The following NAV1 variants were observed in gnomAD, a reference collection of about 807,000 sequenced individuals.
NAV1 encodes neuron navigator 1, also known as pore membrane and/or filament interacting like protein 3.
Under a neutral mutation model 175.2 loss-of-function variants are expected in NAV1, and 18 were observed. That is an observed-to-expected ratio of 0.10 (90% CI 0.07 to 0.15). NAV1 has a LOEUF of 0.15. Among genes scored for constraint, NAV1 ranks in the 10% least tolerant of loss-of-function variants. The pLI is 1.00. For synonymous variants in NAV1, 897 were observed against 978.7 expected (o/e 0.92, Z 1.56); for missense variants, 1,731 against 2,436.6 (o/e 0.71, Z 6.10).
intron 1 of NAV1, among the ~76,000 whole-genome samples, chr1:201,696,304 G>A (rs577488609): frequency 6.6e-5 from 10 of 152,324 alleles, no homozygotes; most frequent in Admixed American, 4.6e-4. Flanking sequence ...CGGAAGAGGA[G>A]GATTCTGAAT....
At chr1:201,700,283 A>T (rs80210811) in intron 1 of NAV1, among the ~76,000 whole-genome samples, 113,636 of 152,122 alleles carry the variant, frequency 0.75, 43,112 homozygotes, top group Admixed American at 0.85. Flanking sequence ...AAGGATATGA[A>T]CAGACACTTC....
At chr1:201,818,354 C>A in intron 29 of NAV1, among the ~76,000 whole-genome samples, 1 of 151,908 alleles carries the variant, frequency 6.6e-6, no homozygotes, top group East Asian at 1.9e-4. Context: ...TGGTGAAACC[C>A]CGTCTCTACT....
intron 1 of NAV1, among the ~76,000 whole-genome samples, chr1:201,543,913 A>C (rs1665592709): frequency 6.6e-6 from 1 of 152,200 alleles, no homozygotes; most frequent in Admixed American, 6.5e-5. Context: ...AATAACTAGA[A>C]GTTAGGCATT....
intron 1 of NAV1, among the ~76,000 whole-genome samples, chr1:201,680,784 T>A (rs1670435606): frequency 6.7e-6 from 1 of 150,250 alleles, no homozygotes; most frequent in Admixed American, 6.9e-5. Flanking sequence ...AGTGGGGGTC[T>A]GGAGGGTGCT....
Position 201,808,115 on chromosome 1 carries a change from T to A in NAV1, c.3811T>A (p.Ser1271Thr). The A allele has an allele frequency of 6.2e-7, 1 of 1,614,206 alleles. No individual in the cohort carries two copies. The highest frequency in any genetic ancestry group is 8.5e-7 in the Non-Finnish European group (1 of 1,180,038). Reference sequence around the variant, plus strand: ...GACTGCTTCACCCTCCATCAAGTCCTCCACCTCGTCCTCCGTGGGCACTGA... The same window carrying A: ...GACTGCTTCACCCTCCATCAAGTCCACCACCTCGTCCTCCGTGGGCACTGA... The change falls in exon 18 of 30, where the codon TCC (serine) becomes ACC (threonine). Residue 1271 changes from serine (S) to threonine (T), a missense_variant. Ser to Thr is a moderately conservative substitution (Grantham distance 58). Coordinates refer to ENST00000367296, the Ensembl canonical transcript of NAV1. The surrounding 1 kb of genome is among the most constrained non-coding windows in gnomAD (Gnocchi z 5.5).
At chr1:201,569,264 T>G (rs1666459188) in intron 1 of NAV1, among the ~76,000 whole-genome samples, 1 of 152,158 alleles carries the variant, frequency 6.6e-6, no homozygotes, top group African/African-American at 2.4e-5. Context: ...CCAGTGCAAG[T>G]CAGCCTGGCC....
intron 2 of NAV1, among the ~76,000 whole-genome samples, chr1:201,636,682 CAGG>C (rs1288942169): frequency 5.3e-5 from 8 of 151,996 alleles, no homozygotes; most frequent in African/African-American, 1.9e-4. Context: ...AAAATCCTTC[CAGG>C]AGAAGGAAAT....
chr1:201,771,187 C>T (rs1041996965), intron 3 of NAV1, among the ~76,000 whole-genome samples: 4 of 146,154 alleles, frequency 2.7e-5, no homozygotes, highest in East Asian at 2.0e-4. Flanking sequence ...TGCAGTGAGC[C>T]GAGATCCCGC....
chr1:201,788,686 G>T lies in NAV1; in HGVS notation c.3166+48G>T. 11 of 1,538,050 alleles carry T rather than the reference G, an allele frequency of 7.2e-6. No homozygotes were observed. The highest frequency in any genetic ancestry group is 9.7e-6 in the Non-Finnish European group (11 of 1,133,670). On this transcript the variant is annotated intron_variant, in intron 10 of 29. Coordinates refer to ENST00000367296, the Ensembl canonical transcript of NAV1. This position sits in a 1 kb window ranked among gnomAD's most constrained non-coding sequence, Gnocchi z 5.7. ...TTCACGCTCATTCCAGCTCTGCTGG[G>T]TCCCCTCACCCACCACCTCCACTCC...
intron 1 of NAV1, among the ~76,000 whole-genome samples, chr1:201,669,886 T>A (rs1669969287): frequency 6.6e-6 from 1 of 152,020 alleles, no homozygotes; most frequent in African/African-American, 2.4e-5. Flanking sequence ...CTGTGTTCCC[T>A]GAGCCCACAG....
At chr1:201,584,618 T>C (rs1410896331) in intron 1 of NAV1, among the ~76,000 whole-genome samples, 12 of 152,216 alleles carry the variant, frequency 7.9e-5, no homozygotes, top group Admixed American at 7.9e-4. Context: ...GATGTGCCTG[T>C]GTCCAGCAGA....
chr1:201,784,818 G>C (rs1287398561), intron 7 of NAV1, among the ~76,000 whole-genome samples: 1 of 152,072 alleles, frequency 6.6e-6, no homozygotes, highest in Admixed American at 6.5e-5. Context: ...CCAGGCTGGA[G>C]TGCAGTGGCG....
At chr1:201,565,370 C>T (rs1319828035) in intron 1 of NAV1, among the ~76,000 whole-genome samples, 3 of 152,258 alleles carry the variant, frequency 2.0e-5, no homozygotes, top group Non-Finnish European at 4.4e-5. Flanking sequence ...GTCAGTCTCC[C>T]TTCCTGTGCC....
At chr1:201,638,592 T>C (rs1216090694) in intron 2 of NAV1, among the ~76,000 whole-genome samples, 1 of 152,214 alleles carries the variant, frequency 6.6e-6, no homozygotes, top group African/African-American at 2.4e-5. Context: ...TGGAATCACA[T>C]GCAGTTATTA....
chr1:201,739,289 G>T (rs966050342), intron 3 of NAV1: 1 of 152,244 alleles, frequency 6.6e-6, no homozygotes, highest in African/African-American at 2.4e-5. Flanking sequence ...ACATCGGAAG[G>T]TCGCGCCATC....
Position 201,809,125 on chromosome 1 carries a change from G to T in NAV1, c.4208-39G>T, listed in dbSNP as rs1371307947. ...TGGGAAAGTTTAGGAAAGGCTGCGG[G>T]TACTCCTAAAACCAGTTGGTTCTTT... On this transcript the variant is annotated intron_variant, in intron 20 of 29. Transcript: ENST00000367296. The T allele has an allele frequency of 2.5e-6, 4 of 1,579,932 alleles. No homozygotes were observed. The Admixed American group carries it at 5.0e-5, about 20-fold the overall frequency.
chr1:201,585,220 G>A (rs1396998690), intron 1 of NAV1, among the ~76,000 whole-genome samples: 1 of 152,164 alleles, frequency 6.6e-6, no homozygotes, highest in Admixed American at 6.5e-5. Context: ...TTCTGCTGAA[G>A]GGTTTTTCAT....
intron 4 of NAV1, 130 bp from the exon 9 acceptor site, chr1:201,780,882 A>G (rs1262913017): frequency 8.2e-6 from 9 of 1,101,858 alleles, no homozygotes; most frequent in Non-Finnish European, 2.5e-6. Flanking sequence ...GGGTATAGGT[A>G]GAAACCCTCA....
At chr1:201,793,572 C>G in intron 13 of NAV1, 1 of 521,322 alleles carries the variant, frequency 1.9e-6, no homozygotes, top group Non-Finnish European at 3.5e-6. Flanking sequence ...CTACCCTCAA[C>G]CTGGCTTCAT....
Sources: gnomAD v4.1 joint callset for allele counts (sites outside exome capture counted in the v4.1 genomes callset) on GRCh38, gnomAD v4.1.1 for gene constraint, Gnocchi (gnomAD v3.1) non-coding constraint, MANE v1.5 for transcripts, NCBI Gene and HGNC (gene_info 2026-07-23, HGNC 2026-07-21) for gene names.